SHROOM2: variants seen among roughly 807,000 people sequenced by gnomAD.
SHROOM2 encodes shroom family member 2, also known as protein Shroom2.
SHROOM2 carries 33 observed loss-of-function variants against 75.9 expected under a neutral mutation model. The ratio of observed to expected loss-of-function variants is 0.43; its 90% CI spans 0.33 to 0.58. The LOEUF is 0.58. SHROOM2 is among the 20% of genes least tolerant of loss of function. SHROOM2 has a pLI of 0.04. For missense variants in SHROOM2, 1,434 were observed against 1,461.2 expected (o/e 0.98, Z 0.30); for synonymous variants, 655 against 663.6 (o/e 0.99, Z 0.20).
intron 5 of SHROOM2, among the ~76,000 whole-genome samples, chrX:9,917,330 A>C (rs974116271): frequency 9.0e-6 from 1 of 111,453 alleles, no homozygotes; most frequent in African/African-American, 3.3e-5. Flanking sequence ...TGATGTTTTT[A>C]TGTTCATTTT....
At chrX:9,945,065 C>T (rs1167969715) in intron 9 of SHROOM2, 152 bp downstream of exon 9, 4 of 481,876 alleles carry the variant, frequency 8.3e-6, no homozygotes, top group Non-Finnish European at 1.4e-5. Flanking sequence ...ACAGTGCACG[C>T]TCTATACCCT....
At chrX:9,901,722 G>T (rs1054613078) in intron 5 of SHROOM2, among the ~76,000 whole-genome samples, 1 of 112,277 alleles carries the variant, frequency 8.9e-6, no homozygotes, top group Non-Finnish European at 1.9e-5. Flanking sequence ...TTCAAACTGG[G>T]ATGGTTTGGC....
intron 9 of SHROOM2, among the ~76,000 whole-genome samples, chrX:9,945,965 TC>T (rs1795579374): frequency 8.9e-6 from 1 of 112,717 alleles, no homozygotes; most frequent in Non-Finnish European, 1.9e-5. Context: ...CCTTCCCCTT[TC>T]TCCAGGTGAG....
chrX:9,855,295 TAAAAAAAAAAAAA>T (rs57235424), intron 1 of SHROOM2, among the ~76,000 whole-genome samples: 12 of 39,300 alleles, frequency 3.1e-4, no homozygotes, highest in African/African-American at 1.0e-3. Flanking sequence ...TAAAGTATAG[TAAAAAAAAAAAAA>T]AAAAAAAAAA....
chrX:9,942,060 C>G (rs1272516817), intron 8 of SHROOM2, among the ~76,000 whole-genome samples: 1 of 110,840 alleles, frequency 9.0e-6, no homozygotes, highest in Non-Finnish European at 1.9e-5. Flanking sequence ...TTGCAGTCTT[C>G]CTTCAGGCTA....
intron 1 of SHROOM2, among the ~76,000 whole-genome samples, chrX:9,792,124 T>A (rs781639401): frequency 9.0e-5 from 2 of 22,100 alleles, no homozygotes; most frequent in African/African-American, 1.2e-4. Flanking sequence ...TAGAATAGAA[T>A]AGAATAGAAT....
chrX:9,932,700 G>A lies in SHROOM2; in HGVS notation c.3417G>A (p.Val1139=). 8.3e-7 allele frequency: 1 copy of A among 1,211,392 alleles called. No homozygotes were observed. ...TCTGTGAGCGTGGAAGCCAGCATGT[G>A]AGCGGGGACGCATCACGTCCTCTGC... is the stretch of plus-strand genomic sequence containing the variant. ...ATVCERGSQH[V]SGDASRPLPE... Residue 1139 remains valine, a synonymous_variant, in exon 6 of 10, where the codon GTG becomes GTA. Coordinates refer to ENST00000380913, the MANE Select transcript of SHROOM2 (RefSeq NM_001649.4).
chrX:9,894,503 C>T lies in SHROOM2; in HGVS notation c.595C>T (p.His199Tyr). 8.3e-7 allele frequency: 1 copy of T among 1,211,524 alleles called. No individual in the cohort carries two copies. The highest frequency in any genetic ancestry group is 1.1e-6 in the Non-Finnish European group (1 of 895,511). The change falls in exon 4 of 10, where the codon CAC becomes TAC. Residue 199 changes from histidine to tyrosine, a missense_variant. Coordinates refer to ENST00000380913, the MANE Select transcript of SHROOM2 (RefSeq NM_001649.4). Reference sequence around the variant, plus strand: ...GGCCAAGTCCAACAGCAGCATCGACCACCTGGGCAGCCACAGCAAGCGCGA... The same window carrying T: ...GGCCAAGTCCAACAGCAGCATCGACTACCTGGGCAGCCACAGCAAGCGCGA... ...SVAKSNSSID[H>Y]LGSHSKRDSA...
intron 1 of SHROOM2, chrX:9,818,768 C>T: frequency 4.3e-6 from 2 of 469,632 alleles, no homozygotes; most frequent in South Asian, 3.0e-5. Flanking sequence ...ATACCCTCTT[C>T]TTTCTTTTTC....
At chrX:9,919,547 G>T (rs1223540994) in intron 5 of SHROOM2, among the ~76,000 whole-genome samples, 73 of 108,998 alleles carry the variant, frequency 6.7e-4, no homozygotes, top group Non-Finnish European at 2.1e-4. Flanking sequence ...GGGCAGGATG[G>T]TCTTGATCTC....
At chrX:9,914,427 T>C (rs1373659482) in intron 5 of SHROOM2, among the ~76,000 whole-genome samples, 2 of 109,963 alleles carry the variant, frequency 1.8e-5, no homozygotes, top group Non-Finnish European at 3.8e-5. Flanking sequence ...TTTTTACCTC[T>C]CATATGCATT....
At chrX:9,925,409 G>C (rs1231343416) in intron 5 of SHROOM2, among the ~76,000 whole-genome samples, 1 of 112,897 alleles carries the variant, frequency 8.9e-6, no homozygotes, top group Admixed American at 9.3e-5. Flanking sequence ...TGTGATTCCT[G>C]ATAAAAATTC....
intron 5 of SHROOM2, among the ~76,000 whole-genome samples, chrX:9,921,714 G>T (rs752114824): frequency 3.6e-5 from 4 of 112,057 alleles, no homozygotes; most frequent in African/African-American, 1.3e-4. Flanking sequence ...GTCTTTCTGT[G>T]CCTGGCTTGT....
chrX:9,883,794 A>T (rs981058901), intron 2 of SHROOM2, among the ~76,000 whole-genome samples: 2 of 111,253 alleles, frequency 1.8e-5, no homozygotes, highest in African/African-American at 6.6e-5. Context: ...GCTGGGGTTC[A>T]TTTGATGTTT....
intron 1 of SHROOM2, among the ~76,000 whole-genome samples, chrX:9,832,914 A>C (rs2083923806): frequency 9.0e-6 from 1 of 111,267 alleles, no homozygotes; most frequent in African/African-American, 3.3e-5. Context: ...GAGGAAGGGG[A>C]AGGACTTATT....
intron 5 of SHROOM2, among the ~76,000 whole-genome samples, chrX:9,916,031 G>T (rs746653932): frequency 8.9e-6 from 1 of 112,112 alleles, no homozygotes; most frequent in Admixed American, 9.5e-5. Flanking sequence ...TGAGAATGAG[G>T]TTTTATACTA....
intron 1 of SHROOM2, among the ~76,000 whole-genome samples, chrX:9,806,604 G>A (rs1415746852): frequency 3.7e-5 from 3 of 81,651 alleles, no homozygotes; most frequent in Middle Eastern, 8.2e-3. Context: ...TCACTCTGTC[G>A]CCCAGGCTGG....
intron 1 of SHROOM2, among the ~76,000 whole-genome samples, chrX:9,838,722 T>G (rs1320777345): frequency 8.9e-6 from 1 of 112,007 alleles, no homozygotes; most frequent in Non-Finnish European, 1.9e-5. Context: ...CCTTCGTGCC[T>G]GAATTTGGCT....
chrX:9,893,298 G>C (rs950847196), intron 3 of SHROOM2, among the ~76,000 whole-genome samples: 1 of 110,857 alleles, frequency 9.0e-6, no homozygotes, highest in African/African-American at 3.3e-5. Context: ...TAGAGATGGG[G>C]GTCTCACTAT....
Sources: allele counts gnomAD v4.1 joint callset (sites outside exome capture counted in the v4.1 genomes callset), GRCh38; gene constraint gnomAD v4.1.1; transcripts MANE v1.5; gene names NCBI Gene and HGNC (gene_info 2026-07-23, HGNC 2026-07-21).